The following USP44 variants were observed in gnomAD, a reference collection of about 807,000 sequenced individuals.
The protein encoded by USP44 is ubiquitin specific peptidase 44.
Under a neutral mutation model 69.0 loss-of-function variants are expected in USP44, and 61 were observed. The observed-to-expected ratio is 0.88, with a 90% confidence interval of 0.72 to 1.09. The LOEUF is 1.09. Ranked by LOEUF, USP44 falls within the 50% of genes least tolerant of loss-of-function variation. USP44 has a pLI of 0.00. For synonymous variants in USP44, 297 were observed against 295.4 expected, an observed-to-expected ratio of 1.01 and a Z score of -0.06; for missense variants, 753 against 849.9, an observed-to-expected ratio of 0.89 and a Z score of 1.42.
chr12:95,543,830 A>G (rs1592746430), intron 1 of USP44, among the ~76,000 whole-genome samples: 1 of 149,894 alleles, frequency 6.7e-6, no homozygotes. Flanking sequence ...AGCCAGGCGT[A>G]GTGGCGGGCG....
At chr12:95,537,704 G>A (rs373369139) in intron 1 of USP44, among the ~76,000 whole-genome samples, 6 of 152,104 alleles carry the variant, frequency 3.9e-5, no homozygotes, top group South Asian at 2.1e-4. Flanking sequence ...TTTTAAAGAC[G>A]TAGAATGAGT....
chr12:95,549,192 T>G (rs140627614), intron 1 of USP44, among the ~76,000 whole-genome samples: 176 of 152,362 alleles, frequency 1.2e-3, no homozygotes, highest in African/African-American at 3.9e-3. Context: ...CAGAAACGCG[T>G]GGCAAACTCC....
intron 3 of USP44, among the ~76,000 whole-genome samples, chr12:95,527,806 T>C (rs1429813323): frequency 6.7e-6 from 1 of 149,852 alleles, no homozygotes; most frequent in Admixed American, 6.7e-5. Context: ...TCTGATGTGG[T>C]TTTATACACT....
intron 1 of USP44, among the ~76,000 whole-genome samples, chr12:95,545,903 A>G (rs945153596): frequency 2.0e-5 from 3 of 152,176 alleles, no homozygotes; most frequent in Non-Finnish European, 4.4e-5. Flanking sequence ...TCTAGAATCT[A>G]TAATTACCCT....
At chr12:95,545,311 A>C (rs1174299236) in intron 1 of USP44, among the ~76,000 whole-genome samples, 1 of 152,110 alleles carries the variant, frequency 6.6e-6, no homozygotes, top group African/African-American at 2.4e-5. Context: ...AAAAAAAAAA[A>C]CTTGAAATCT....
chr12:95,550,169 G>C (rs957475056), intron 1 of USP44, among the ~76,000 whole-genome samples: 1 of 122,790 alleles, frequency 8.1e-6, no homozygotes, highest in African/African-American at 3.2e-5. Flanking sequence ...CAACAAGAGC[G>C]AAACTCCGTC....
rs1338589041 is a variant in USP44 at position 95,517,254 on chromosome 12, C to T, written c.*900G>A. 6.6e-6 allele frequency: 1 copy of T among 151,908 alleles called. No individual in the cohort carries two copies. Among genetic ancestry groups the T allele is most frequent in the African/African-American group, 2.4e-5 (1 of 41,364 alleles). The allele number at this position is 151,908 out of a possible 1,614,324, so 9.4% of individuals were successfully genotyped here. A position where few individuals can be genotyped will look rare whatever the true frequency, so the allele number is the denominator to read the frequency against. ...TGCCAATTTTGAACACTTATCTTTT[C>T]TGCCCTATAATTTTTTCTCTTCAAG... On this transcript the variant is annotated 3_prime_UTR_variant, in exon 6 of 6. Coordinates refer to ENST00000258499, the MANE Select transcript of USP44 (RefSeq NM_032147.5).
chr12:95,521,299 G>A, intron 4 of USP44, 97 bp from the exon 5 acceptor site: 1 of 1,059,974 alleles, frequency 9.4e-7, no homozygotes, highest in Non-Finnish European at 1.5e-6. Flanking sequence ...AGGCAGCATG[G>A]AATACAAAGT....
intron 1 of USP44, among the ~76,000 whole-genome samples, chr12:95,534,872 G>C (rs2077149935): frequency 6.6e-6 from 1 of 152,056 alleles, no homozygotes; most frequent in African/African-American, 2.4e-5. Flanking sequence ...CTAGAGACAA[G>C]GTTTCGTCAT....
rs567645814 is a variant in USP44, at chr12:95,529,703, G to A, written c.1429-701C>T. Among the ~76,000 whole-genome samples, 4 of 152,288 alleles carry A rather than the reference G, an allele frequency of 2.6e-5. No individual in the cohort carries two copies. In the East Asian group the frequency reaches 5.8e-4, roughly 22 times the overall value. ...GCCAAAGTGCTGGGATTACAGGCGTGAGCCACCATGCCCGGCCTCTCCTTC... is the reference window on the plus strand; with the variant it reads ...GCCAAAGTGCTGGGATTACAGGCGTAAGCCACCATGCCCGGCCTCTCCTTC... On this transcript the variant is annotated intron_variant, in intron 2 of 5. Transcript: ENST00000258499.
intron 1 of USP44, among the ~76,000 whole-genome samples, chr12:95,541,822 C>T (rs1224314920): frequency 1.3e-5 from 2 of 151,916 alleles, no homozygotes; most frequent in African/African-American, 4.8e-5. Context: ...CTTCATCCTC[C>T]AAGGTCCAAC....
chr12:95,521,192 G>A lies in USP44; in HGVS notation c.1744C>T (p.Arg582Cys), dbSNP rs752458868. The A allele has an allele frequency of 8.1e-6, 13 of 1,613,984 alleles. No individual in the cohort carries two copies. The highest frequency in any genetic ancestry group is 1.6e-4 in the Middle Eastern group (1 of 6,062). The change falls in exon 5 of 6, where the codon CGT becomes TGT. Residue 582 changes from arginine (R) to cysteine (C), a missense_variant. By Grantham distance (180) the Arg-to-Cys change is radical (BLOSUM62 -3). Transcript: ENST00000258499. ...LHLKRFRWSGRNNREKIGVHV... is the reference protein window; with the variant it reads ...LHLKRFRWSGCNNREKIGVHV... ...ACACCAATCTTCTCTCGGTTATTAC[G>A]TCCTGACCACCTGTGAACAAACCAG...
chr12:95,533,709 T>A lies in USP44; in HGVS notation c.548A>T (p.Lys183Ile). 1 of 1,614,024 alleles carries A rather than the reference T, an allele frequency of 6.2e-7. No individual in the cohort carries two copies. Among genetic ancestry groups the A allele is most frequent in the Non-Finnish European group, 8.5e-7 (1 of 1,180,018 alleles). ...CTTTACTTCTCTTTTTACTACTATT[T>A]TTTCCTGAAATGGTTCTTCTTGCTT... is the stretch of plus-strand genomic sequence containing the variant. Reference protein sequence around the residue: ...RKKQEEPFQEKIVVKREVKKR... With the variant: ...RKKQEEPFQEIIVVKREVKKR... The change falls in exon 2 of 6, where the codon AAA becomes ATA. Residue 183 changes from lysine to isoleucine, a missense_variant. Lys to Ile is a moderately radical substitution (Grantham distance 102, BLOSUM62 -3). Transcript: ENST00000258499.
chr12:95,540,369 T>A (rs2077349512), intron 1 of USP44, among the ~76,000 whole-genome samples: 1 of 142,980 alleles, frequency 7.0e-6, no homozygotes, highest in South Asian at 2.2e-4. Context: ...TTGAGTGAAG[T>A]TTCAGTGTTT....
chr12:95,520,592 T>G (rs2076629526), intron 5 of USP44, among the ~76,000 whole-genome samples: 1 of 152,242 alleles, frequency 6.6e-6, no homozygotes, highest in African/African-American at 2.4e-5. Flanking sequence ...AAGTGAGTTT[T>G]GTGTGTTAAA....
intron 2 of USP44, among the ~76,000 whole-genome samples, chr12:95,531,700 C>T (rs1323808756): frequency 6.6e-6 from 1 of 152,126 alleles, no homozygotes; most frequent in Non-Finnish European, 1.5e-5. Context: ...ACTTAAACAA[C>T]ATTTTAGGAA....
chr12:95,534,259 A>C lies in USP44; in HGVS notation c.-3T>G, dbSNP rs370190548. 1 of 1,603,590 alleles carries C rather than the reference A, an allele frequency of 6.2e-7. No individual in the cohort carries two copies. The highest frequency in any genetic ancestry group is 1.3e-5 in the African/African-American group (1 of 74,752). On this transcript the variant is annotated 5_prime_UTR_variant, in exon 2 of 6. Transcript: ENST00000258499. ...TTGCACGTATCCATTGCTAGCATTT[A>C]TTTAGTCTAGCTGAGAAATGCATAA...
intron 2 of USP44, among the ~76,000 whole-genome samples, chr12:95,529,806 A>G (rs1301376550): frequency 6.6e-6 from 1 of 152,168 alleles, no homozygotes; most frequent in Non-Finnish European, 1.5e-5. Flanking sequence ...TATTACAAGT[A>G]AAATACTATC....
At chr12:95,538,819 A>G (rs773727025) in intron 1 of USP44, among the ~76,000 whole-genome samples, 12 of 152,222 alleles carry the variant, frequency 7.9e-5, no homozygotes, top group Non-Finnish European at 1.6e-4. Flanking sequence ...AAGAGCTTGG[A>G]GGAAAGAAAG....
Sources: gnomAD v4.1 joint callset for allele counts (sites outside exome capture counted in the v4.1 genomes callset) on GRCh38, gnomAD v4.1.1 for gene constraint, MANE v1.5 for transcripts, NCBI Gene and HGNC (gene_info 2026-07-23, HGNC 2026-07-21) for gene names.